Variants in MEF2C observed in about 807,000 individuals in gnomAD.
MEF2C encodes myocyte-specific enhancer factor 2C.
Under a neutral mutation model 50.5 loss-of-function variants are expected in MEF2C, and 6 were observed. That is an observed-to-expected ratio of 0.12 (90% CI 0.07 to 0.23). The LOEUF (loss-of-function observed/expected upper bound fraction) is 0.23, where lower values mean the gene tolerates loss of function less well. Among genes scored for constraint, MEF2C ranks in the 10% least tolerant of loss-of-function variants. MEF2C has a pLI of 1.00. For synonymous variants in MEF2C, 183 were observed against 228.0 expected, an observed-to-expected ratio of 0.80 and a Z score of 1.78; for missense variants, 276 against 605.0, an observed-to-expected ratio of 0.46 and a Z score of 5.70.
chr5:88,718,743 A>G lies in MEF2C; in HGVS notation c.*3861T>C, dbSNP rs1755322336. ...AACAGGGAAGGCAAAATGCAATACC[A>G]GATTATGAAAATAACCAAAATGGAA... On this transcript the variant is annotated 3_prime_UTR_variant, in exon 11 of 11. Transcript: ENST00000504921. 2.0e-5 allele frequency: 3 copies of G among 152,250 alleles called. No individual in the cohort carries two copies. The highest frequency in any genetic ancestry group is 1.3e-4 in the Admixed American group (2 of 15,288). The allele number at this position is 152,250 out of a possible 1,614,324, so 9.4% of individuals were successfully genotyped here.
At chr5:88,875,419 T>C (rs945124521) in intron 1 of MEF2C, among the ~76,000 whole-genome samples, 1 of 151,998 alleles carries the variant, frequency 6.6e-6, no homozygotes, top group Non-Finnish European at 1.5e-5. Context: ...TCAATGCTAA[T>C]TTGCATCACA....
intron 1 of MEF2C, among the ~76,000 whole-genome samples, chr5:88,841,433 G>A (rs553881935): frequency 6.6e-6 from 1 of 150,874 alleles, no homozygotes; most frequent in South Asian, 2.1e-4. Flanking sequence ...TTTGAGCCCA[G>A]GAGTTTCAGG....
At position 88,722,729 on chromosome 5, in the gene MEF2C, C is replaced by T; in HGVS notation, c.1297G>A (p.Gly433Arg). 1 of 1,613,964 alleles carries T rather than the reference C, an allele frequency of 6.2e-7. No homozygotes were observed. Among genetic ancestry groups the T allele is most frequent in the Non-Finnish European group, 8.5e-7 (1 of 1,179,892 alleles). Residue 433 changes from glycine (G) to arginine (R), a missense_variant, in exon 11 of 11, where the codon GGG (glycine) becomes AGG (arginine). Physicochemically the swap from Gly to Arg is moderately radical, Grantham distance 125. Coordinates refer to ENST00000504921, the MANE Select transcript of MEF2C (RefSeq NM_002397.5). The part of the protein sequence containing the change: ...SLSSCSSSYD[G>R]SDREDHRNEF... The stretch of plus-strand genomic sequence containing the variant: ...TTCCGGTGATCCTCTCGGTCGCTCC[C>T]GTCGTACGAACTGCTACAGCTGCTC...
At chr5:88,742,534 A>G in intron 6 of MEF2C, 1 of 981,174 alleles carries the variant, frequency 1.0e-6, no homozygotes, top group South Asian at 4.7e-5. Flanking sequence ...AAAAGGATAC[A>G]ATTTGTGAAG....
intron 2 of MEF2C, among the ~76,000 whole-genome samples, chr5:88,805,303 T>C (rs1267139616): frequency 6.6e-6 from 1 of 152,210 alleles, no homozygotes; most frequent in Non-Finnish European, 1.5e-5. Context: ...GACGATGTTG[T>C]ATTCTGTTTT....
chr5:88,900,307 G>T (rs974682270), intron 1 of MEF2C, among the ~76,000 whole-genome samples: 3 of 151,426 alleles, frequency 2.0e-5, no homozygotes, highest in African/African-American at 7.3e-5. Context: ...AAGCTAGTCA[G>T]TTGTTAAGTC....
intron 1 of MEF2C, among the ~76,000 whole-genome samples, chr5:88,868,684 G>T (rs1442156686): frequency 6.6e-6 from 1 of 152,088 alleles, no homozygotes; most frequent in East Asian, 1.9e-4. Flanking sequence ...GATTCAACTA[G>T]AACATTCTTA....
chr5:88,805,857 G>A (rs1360564828), intron 2 of MEF2C, among the ~76,000 whole-genome samples: 1 of 109,906 alleles, frequency 9.1e-6, no homozygotes, highest in Non-Finnish European at 1.8e-5. Flanking sequence ...TTTTGGAGAC[G>A]GAGTCTCTTA....
intron 6 of MEF2C, chr5:88,732,967 T>C (rs1762316846): frequency 2.1e-6 from 1 of 472,562 alleles, no homozygotes; most frequent in South Asian, 9.1e-5. Flanking sequence ...TGAGATTGTG[T>C]GCTACCCAGT....
intron 6 of MEF2C, chr5:88,735,396 A>G: frequency 2.0e-6 from 2 of 985,378 alleles, no homozygotes; most frequent in Non-Finnish European, 2.4e-6. Flanking sequence ...TTATCAATTT[A>G]GACGTGACTG....
At chr5:88,749,230 A>G (rs1461138353) in intron 5 of MEF2C, 113 bp from the exon 6 acceptor site, 1 of 1,307,732 alleles carries the variant, frequency 7.6e-7, no homozygotes, top group East Asian at 2.7e-5. Context: ...ATAAACTTGT[A>G]AAGTACAACC....
At chr5:88,878,121 T>C (rs1831674004) in intron 1 of MEF2C, 2 of 152,050 alleles carry the variant, frequency 1.3e-5, no homozygotes, top group Admixed American at 1.3e-4. Context: ...TAAGTGATAG[T>C]CAAATATTGT....
At chr5:88,843,349 C>A in intron 1 of MEF2C, 1 of 983,322 alleles carries the variant, frequency 1.0e-6, no homozygotes, top group Non-Finnish European at 1.2e-6. Context: ...AATTTGGTTC[C>A]CCCCAAAAAA....
intron 5 of MEF2C, among the ~76,000 whole-genome samples, chr5:88,749,768 T>C (rs899012994): frequency 2.0e-5 from 3 of 152,258 alleles, no homozygotes; most frequent in Non-Finnish European, 1.5e-5. Context: ...CGGTGGCTCA[T>C]GCCTGTAATC....
intron 5 of MEF2C, chr5:88,749,327 CT>C (rs1306751859): frequency 2.0e-6 from 2 of 981,402 alleles, no homozygotes; most frequent in Non-Finnish European, 2.4e-6. Context: ...TTTGCAGAAT[CT>C]TTTTTCTAAG....
chr5:88,891,560 G>A (rs568111403), intron 1 of MEF2C, among the ~76,000 whole-genome samples: 65 of 151,718 alleles, frequency 4.3e-4, no homozygotes, highest in African/African-American at 1.5e-3. Context: ...CCACCACCAC[G>A]CCCAGCTAAT....
intron 6 of MEF2C, chr5:88,748,275 A>G: frequency 1.2e-6 from 1 of 802,240 alleles, no homozygotes; most frequent in Non-Finnish European, 1.5e-6. Flanking sequence ...TTGACATTTC[A>G]AACATAACCT....
intron 2 of MEF2C, among the ~76,000 whole-genome samples, chr5:88,820,502 C>T (rs159950): frequency 0.22 from 33,549 of 151,902 alleles, 4,134 homozygotes; most frequent in African/African-American, 0.31. Flanking sequence ...CAACTTATAA[C>T]ATCAGTGCTG....
intron 1 of MEF2C, among the ~76,000 whole-genome samples, chr5:88,832,512 C>T (rs762463621): frequency 6.6e-6 from 1 of 152,022 alleles, no homozygotes; most frequent in Non-Finnish European, 1.5e-5. Context: ...TTCCTACAAG[C>T]GCAGGTAGCC....
Sources: gnomAD v4.1 joint callset for allele counts (sites outside exome capture counted in the v4.1 genomes callset) on GRCh38, gnomAD v4.1.1 for gene constraint, MANE v1.5 for transcripts, NCBI Gene and HGNC (gene_info 2026-07-23, HGNC 2026-07-21) for gene names.